MTTP: variants seen among roughly 807,000 people sequenced by gnomAD.
MTTP encodes the protein microsomal triglyceride transfer protein.
Under a neutral mutation model 90.6 loss-of-function variants are expected in MTTP, and 49 were observed. The ratio of observed to expected loss-of-function variants is 0.54; its 90% CI spans 0.43 to 0.69. The LOEUF is 0.69. Among genes scored for constraint, MTTP ranks in the 30% least tolerant of loss-of-function variants. The probability of loss-of-function intolerance (pLI) is 0.00; values close to 1 mark genes in which losing one functional copy is unlikely to be tolerated. For synonymous variants in MTTP, 347 were observed against 384.2 expected (o/e 0.90, Z 1.13); for missense variants, 945 against 1,067.5 (o/e 0.89, Z 1.60).
At position 99,608,685 on chromosome 4, in the gene MTTP, A is replaced by T. The variant is rs200312287; in HGVS notation, c.1558-81A>T. Reference sequence around the variant, plus strand: ...GTAACACATGTATATTTTTATGAACACTCACTATTCCTGCTATTCCTGCTG... The same window carrying T: ...GTAACACATGTATATTTTTATGAACTCTCACTATTCCTGCTATTCCTGCTG... On this transcript the variant is annotated intron_variant, in intron 11 of 17. Coordinates refer to ENST00000265517, the MANE Select transcript of MTTP (RefSeq NM_001386140.1). The T allele has an allele frequency of 3.9e-5, 42 of 1,087,848 alleles. 1 individual carries two copies. The East Asian group carries it at 6.2e-4, about 16-fold the overall frequency. 67.4% of individuals were successfully genotyped at this position (1,087,848 alleles called of 1,614,324 possible).
At chr4:99,609,044 T>A in intron 12 of MTTP, 67 bp downstream of exon 12, 1 of 1,372,508 alleles carries the variant, frequency 7.3e-7, no homozygotes, top group Non-Finnish European at 1.0e-6. Context: ...GGTACCGATG[T>A]AGCTAATAAT....
At chr4:99,594,067 A>G (rs1321219240) in intron 6 of MTTP, among the ~76,000 whole-genome samples, 1 of 152,120 alleles carries the variant, frequency 6.6e-6, no homozygotes, top group Non-Finnish European at 1.5e-5. Context: ...AACTATCTTT[A>G]TTTCCCTGTC....
At chr4:99,606,549 A>T (rs1270436819) in intron 10 of MTTP, among the ~76,000 whole-genome samples, 199 bp from the exon 11 acceptor site, 3 of 152,038 alleles carry the variant, frequency 2.0e-5, no homozygotes, top group Non-Finnish European at 2.9e-5. Context: ...ATGTATATGT[A>T]TTTTTTTTAA....
At chr4:99,575,446 T>C (rs565211952) in intron 1 of MTTP, among the ~76,000 whole-genome samples, 6 of 152,290 alleles carry the variant, frequency 3.9e-5, no homozygotes, top group Non-Finnish European at 5.9e-5. Context: ...CAAAGAATTA[T>C]GAATGAAATG....
intron 1 of MTTP, 128 bp from the exon 2 acceptor site, chr4:99,581,777 C>T (rs1725120935): frequency 1.1e-6 from 1 of 889,322 alleles, no homozygotes; most frequent in East Asian, 2.5e-5. Flanking sequence ...GATGAAGTAG[C>T]ACCATGTTTC....
At chr4:99,591,890 G>A (rs558680352) in intron 6 of MTTP, 100 bp downstream of exon 6, 42 of 1,097,396 alleles carry the variant, frequency 3.8e-5, no homozygotes, top group Non-Finnish European at 4.7e-5. Context: ...GTGTGTGTGC[G>A]CGTGTAGTCA....
At chr4:99,585,827 T>C (rs377462452) in intron 3 of MTTP, among the ~76,000 whole-genome samples, 1 of 152,140 alleles carries the variant, frequency 6.6e-6, no homozygotes. Context: ...AGTACATCAT[T>C]GTATCTTTCA....
intron 1 of MTTP, among the ~76,000 whole-genome samples, chr4:99,576,727 T>G (rs1420361055): frequency 6.8e-6 from 1 of 145,992 alleles, no homozygotes; most frequent in African/African-American, 2.5e-5. Flanking sequence ...AATTTAAATA[T>G]ACACATACAC....
Position 99,583,442 on chromosome 4 carries a change from C to T in MTTP, c.318C>T (p.Ser106=), listed in dbSNP as rs1472302192. 6.2e-7 allele frequency: 1 copy of T among 1,613,262 alleles called. No homozygotes were observed. The highest frequency in any genetic ancestry group is 8.5e-7 in the Non-Finnish European group (1 of 1,179,708). Residue 106 remains serine (S), a synonymous_variant, in exon 3 of 18, where the codon AGC becomes AGT. Transcript: ENST00000265517. The stretch of plus-strand genomic sequence containing the variant: ...AGAAGAGCATCTTCAAAGGAAAAAG[C>T]CCATCTAAAATAATGGGAAAGGAAA... ...RGEKSIFKGK[S]PSKIMGKENL... is the part of the protein sequence containing the mutation.
At chr4:99,607,350 G>C (rs1725842074) in intron 11 of MTTP, among the ~76,000 whole-genome samples, 1 of 152,222 alleles carries the variant, frequency 6.6e-6, no homozygotes, top group Non-Finnish European at 1.5e-5. Context: ...TGTTAGGGCA[G>C]AGAATGTCTA....
At chr4:99,583,669 G>T in intron 3 of MTTP, 152 bp downstream of exon 3, 2 of 948,068 alleles carry the variant, frequency 2.1e-6, no homozygotes, top group South Asian at 2.9e-5. Flanking sequence ...TAAATTAAAT[G>T]TTTCCAAACT....
intron 5 of MTTP, 49 bp from the exon 6 acceptor site, chr4:99,591,602 A>C (rs768436674): frequency 6.3e-7 from 1 of 1,581,766 alleles, no homozygotes; most frequent in Non-Finnish European, 8.7e-7. Context: ...TTGATTCAAT[A>C]ATTTAAACGA....
At chr4:99,600,253 T>C (rs1294736226) in intron 8 of MTTP, among the ~76,000 whole-genome samples, 1 of 152,172 alleles carries the variant, frequency 6.6e-6, no homozygotes, top group Non-Finnish European at 1.5e-5. Flanking sequence ...ACTTAATTTA[T>C]AATTGTATTT....
chr4:99,578,469 A>G (rs945634033), intron 1 of MTTP, among the ~76,000 whole-genome samples: 3 of 152,220 alleles, frequency 2.0e-5, no homozygotes, highest in Non-Finnish European at 4.4e-5. Flanking sequence ...TAAGAGGATG[A>G]CACTCTAGCA....
intron 17 of MTTP, among the ~76,000 whole-genome samples, chr4:99,622,236 T>C (rs538630140): frequency 1.3e-4 from 20 of 152,230 alleles, no homozygotes; most frequent in African/African-American, 4.1e-4. Flanking sequence ...ACCCACATGA[T>C]TAATTGGTTT....
rs1725976223 is a variant in MTTP at position 99,612,274 on chromosome 4, G to A, written c.1990-639G>A. Reference sequence around the variant, plus strand: ...TACTTTGAAATGCAAAACATCCAGGGGTTAAAGGGCTGGGTATGGAGGACA... The same window carrying A: ...TACTTTGAAATGCAAAACATCCAGGAGTTAAAGGGCTGGGTATGGAGGACA... On this transcript the variant is annotated intron_variant, in intron 14 of 17. Transcript: ENST00000265517. Among the ~76,000 whole-genome samples the A allele has an allele frequency of 3.9e-5, 6 of 152,176 alleles. 1 individual carries two copies. In the Middle Eastern group the frequency reaches 0.02, roughly 518 times the overall value.
chr4:99,594,991 C>T (rs1263947737), intron 7 of MTTP, 108 bp downstream of exon 7: 2 of 1,310,010 alleles, frequency 1.5e-6, no homozygotes, highest in Non-Finnish European at 2.2e-6. Flanking sequence ...AAAGAACTAC[C>T]AGCTACCACA....
At chr4:99,590,861 ACAC>A (rs751379947) in intron 4 of MTTP, among the ~76,000 whole-genome samples, 21 of 129,294 alleles carry the variant, frequency 1.6e-4, no homozygotes, top group African/African-American at 7.0e-4. Context: ...ACACACACAC[ACAC>A]CACACACACA....
In MTTP at chr4:99,622,915, A is replaced by T; in HGVS notation, c.*67A>T. The T allele has an allele frequency of 6.6e-7, 1 of 1,522,328 alleles. No homozygotes were observed. The highest frequency in any genetic ancestry group is 9.1e-7 in the Non-Finnish European group (1 of 1,096,908). The allele number at this position is 1,522,328 out of a possible 1,614,324, so 94.3% of individuals were successfully genotyped here. On this transcript the variant is annotated 3_prime_UTR_variant, in exon 18 of 18. Coordinates refer to ENST00000265517, the MANE Select transcript of MTTP (RefSeq NM_001386140.1). ...GGGACACAATGTGGCATGACTAAGT[A>T]CTTGCTCTCTGAGAGCACAGCGTTT...
Sources: allele counts gnomAD v4.1 joint callset (sites outside exome capture counted in the v4.1 genomes callset), GRCh38; gene constraint gnomAD v4.1.1; transcripts MANE v1.5; gene names NCBI Gene and HGNC (gene_info 2026-07-23, HGNC 2026-07-21).